ADGRL2: variants seen among roughly 807,000 people sequenced by gnomAD.
The protein encoded by ADGRL2 is calcium-independent alpha-latrotoxin receptor 2.
Under a neutral mutation model 157.4 loss-of-function variants are expected in ADGRL2, and 44 were observed. The ratio of observed to expected loss-of-function variants is 0.28; its 90% CI spans 0.22 to 0.36. The LOEUF (loss-of-function observed/expected upper bound fraction) is 0.36. Ranked by LOEUF, ADGRL2 falls within the 10% of genes least tolerant of loss-of-function variation. ADGRL2 has a pLI of 1.00. For synonymous variants in ADGRL2, 585 were observed against 624.7 expected (o/e 0.94, Z 0.95); for missense variants, 1,510 against 1,768.9 (o/e 0.85, Z 2.63).
chr1:81,514,169 C>T (rs2079130293), intron 2 of ADGRL2: 1 of 152,062 alleles, frequency 6.6e-6, no homozygotes, highest in African/African-American at 2.4e-5. Flanking sequence ...GGAGATTTGT[C>T]TGGAGGCTTA....
At chr1:81,528,337 T>C (rs1570396618) in intron 2 of ADGRL2, among the ~76,000 whole-genome samples, 1 of 152,060 alleles carries the variant, frequency 6.6e-6, no homozygotes, top group South Asian at 2.1e-4. Context: ...AGAAGGTAGC[T>C]GAGGTTCTTT....
intron 3 of ADGRL2, among the ~76,000 whole-genome samples, chr1:81,629,399 A>G (rs990490201): frequency 6.6e-6 from 1 of 152,174 alleles, no homozygotes; most frequent in Non-Finnish European, 1.5e-5. Flanking sequence ...TTTCAAACTA[A>G]TGGTTACAAC....
intron 2 of ADGRL2, among the ~76,000 whole-genome samples, chr1:81,872,028 A>G (rs937357114): frequency 9.9e-5 from 15 of 151,988 alleles, no homozygotes; most frequent in Non-Finnish European, 1.6e-4. Flanking sequence ...CTGAATGGTA[A>G]TGCCTAGGTT....
At chr1:81,626,233 A>G (rs2081905892) in intron 3 of ADGRL2, among the ~76,000 whole-genome samples, 2 of 152,244 alleles carry the variant, frequency 1.3e-5, no homozygotes, top group African/African-American at 4.8e-5. Flanking sequence ...AGACCAAAAA[A>G]CAACACCTAA....
At chr1:81,790,882 G>A (rs1328890352) in intron 2 of ADGRL2, among the ~76,000 whole-genome samples, 1 of 151,854 alleles carries the variant, frequency 6.6e-6, no homozygotes, top group Non-Finnish European at 1.5e-5. Context: ...CTAGGCACAT[G>A]GTGAAACCCT....
intron 6 of ADGRL2, among the ~76,000 whole-genome samples, chr1:81,946,386 G>T: frequency 7.7e-6 from 1 of 130,354 alleles, no homozygotes; most frequent in African/African-American, 2.9e-5. Flanking sequence ...TGTGATCCCT[G>T]CATAGTTCAT....
At chr1:81,397,868 G>T (rs4622107) in intron 1 of ADGRL2, among the ~76,000 whole-genome samples, 69,081 of 151,930 alleles carry the variant, frequency 0.45, 17,144 homozygotes, top group East Asian at 0.9. Context: ...AGGTTTCTTG[G>T]TTGATTTTTT....
chr1:81,844,752 T>G (rs1305150788), intron 2 of ADGRL2, among the ~76,000 whole-genome samples: 1 of 152,180 alleles, frequency 6.6e-6, no homozygotes, highest in Non-Finnish European at 1.5e-5. Flanking sequence ...CGGGATCTCC[T>G]GGCTAAAATG....
At chr1:81,893,327 T>G (rs1557860069) in intron 2 of ADGRL2, among the ~76,000 whole-genome samples, 2 of 152,206 alleles carry the variant, frequency 1.3e-5, no homozygotes, top group East Asian at 1.9e-4. Flanking sequence ...TCTTGTATTT[T>G]TCTTTTTTTC....
At chr1:81,733,612 C>T (rs1052114839) in intron 1 of ADGRL2, among the ~76,000 whole-genome samples, 1 of 152,164 alleles carries the variant, frequency 6.6e-6, no homozygotes, top group African/African-American at 2.4e-5. Flanking sequence ...CAGTCACATT[C>T]TGAGGTACTG....
chr1:81,423,844 G>T (rs558558418), intron 1 of ADGRL2, among the ~76,000 whole-genome samples: 5 of 152,100 alleles, frequency 3.3e-5, no homozygotes, highest in Non-Finnish European at 7.4e-5. Context: ...AGGTTAAATT[G>T]CTCTTTTTAA....
At chr1:81,788,938 G>A (rs10874270) in intron 2 of ADGRL2, among the ~76,000 whole-genome samples, 83,664 of 151,912 alleles carry the variant, frequency 0.55, 23,841 homozygotes, top group Middle Eastern at 0.74. Flanking sequence ...GGATGGTCTC[G>A]ATCTCCTGAC....
At chr1:81,728,420 AG>A (rs1164345352) in intron 1 of ADGRL2, among the ~76,000 whole-genome samples, 2 of 152,242 alleles carry the variant, frequency 1.3e-5, no homozygotes, top group East Asian at 3.8e-4. Flanking sequence ...CTTTAAATGC[AG>A]GTATTTGTGT....
chr1:81,579,514 CA>C (rs2080863317), intron 2 of ADGRL2: 1 of 152,070 alleles, frequency 6.6e-6, no homozygotes, highest in South Asian at 2.1e-4. Context: ...AGCATTAATT[CA>C]GAATATAAAT....
intron 2 of ADGRL2, among the ~76,000 whole-genome samples, chr1:81,892,093 T>G (rs1408571696): frequency 6.6e-6 from 1 of 151,914 alleles, no homozygotes; most frequent in African/African-American, 2.4e-5. Context: ...TCCATCAATC[T>G]TTGTACCAAC....
chr1:81,860,777 C>A (rs1047373235), intron 2 of ADGRL2, among the ~76,000 whole-genome samples: 1 of 152,106 alleles, frequency 6.6e-6, no homozygotes, highest in Non-Finnish European at 1.5e-5. Flanking sequence ...TGACTTTCAG[C>A]CGTGAAATAA....
At chr1:81,787,367 C>G (rs9729408) in intron 2 of ADGRL2, among the ~76,000 whole-genome samples, 5,633 of 152,110 alleles carry the variant, frequency 0.037, 352 homozygotes, top group African/African-American at 0.13. Flanking sequence ...GAACAAGTCA[C>G]ATAAAAATGG....
chr1:81,644,319 T>C (rs998691800), intron 3 of ADGRL2, among the ~76,000 whole-genome samples: 1 of 152,124 alleles, frequency 6.6e-6, no homozygotes, highest in African/African-American at 2.4e-5. Flanking sequence ...GAAACAGCTT[T>C]TTAGAAGGAA....
At chr1:81,517,848 ATAGT>A (rs1428206273) in intron 2 of ADGRL2, among the ~76,000 whole-genome samples, 1 of 152,178 alleles carries the variant, frequency 6.6e-6, no homozygotes, top group Non-Finnish European at 1.5e-5. Context: ...CTCAGCTAGC[ATAGT>A]TAGAGGGGCG....
Sources: allele counts gnomAD v4.1 joint callset (sites outside exome capture counted in the v4.1 genomes callset), GRCh38; gene constraint gnomAD v4.1.1; transcripts MANE v1.5; gene names NCBI Gene and HGNC (gene_info 2026-07-23, HGNC 2026-07-21).